Variants in DENND1A observed in about 807,000 individuals in gnomAD.
DENND1A encodes DENN domain-containing protein 1A.
DENND1A carries 51 observed loss-of-function variants against 113.7 expected under a neutral mutation model. That is an observed-to-expected ratio of 0.45 (90% CI 0.36 to 0.57). The LOEUF is 0.57. Among genes scored for constraint, DENND1A ranks in the 20% least tolerant of loss-of-function variants. The pLI is 0.00. For synonymous variants in DENND1A, 565 were observed against 570.8 expected, an observed-to-expected ratio of 0.99 and a Z score of 0.14; for missense variants, 1,258 against 1,395.9, an observed-to-expected ratio of 0.90 and a Z score of 1.57.
At chr9:123,451,110 T>A (rs991421462) in intron 17 of DENND1A, among the ~76,000 whole-genome samples, 14 of 152,292 alleles carry the variant, frequency 9.2e-5, no homozygotes, top group African/African-American at 3.4e-4. Flanking sequence ...GAATATCCAT[T>A]CTATTTCACC....
chr9:123,606,626 G>C (rs1313367204), intron 11 of DENND1A, among the ~76,000 whole-genome samples: 1 of 152,172 alleles, frequency 6.6e-6, no homozygotes, highest in Admixed American at 6.5e-5. Flanking sequence ...TATGGCATTG[G>C]GTTGCCTGAA....
chr9:123,485,617 A>ACCATGTGTGTGTGTGCGC (rs2050738219), intron 13 of DENND1A: 1 of 148,372 alleles, frequency 6.7e-6, no homozygotes, highest in Non-Finnish European at 1.5e-5. Flanking sequence ...ACCAGGGGAC[A>ACCATGTGTGTGTGTGCGC]CCGTGTGTGT....
At chr9:123,687,780 C>T (rs1308541250) in intron 5 of DENND1A, among the ~76,000 whole-genome samples, 1 of 152,226 alleles carries the variant, frequency 6.6e-6, no homozygotes. Context: ...CTTCTTGCTT[C>T]ACTCTGCCAT....
chr9:123,513,634 T>G (rs1007051375), intron 13 of DENND1A, among the ~76,000 whole-genome samples: 3 of 152,206 alleles, frequency 2.0e-5, no homozygotes, highest in Non-Finnish European at 2.9e-5. Context: ...AAAGAGGGAT[T>G]GGAAGAACTG....
intron 13 of DENND1A, among the ~76,000 whole-genome samples, chr9:123,476,649 G>A (rs552941086): frequency 9.9e-5 from 15 of 152,212 alleles, no homozygotes; most frequent in Middle Eastern, 3.2e-3. Context: ...TGGGAACGAG[G>A]TGTGGGAGGC....
chr9:123,877,283 G>A (rs553277761), intron 2 of DENND1A, among the ~76,000 whole-genome samples: 1 of 152,036 alleles, frequency 6.6e-6, no homozygotes, highest in Non-Finnish European at 1.5e-5. Flanking sequence ...GAGGTCAAGA[G>A]TTCGAGACAG....
At chr9:123,817,501 C>T (rs1318977083) in intron 2 of DENND1A, among the ~76,000 whole-genome samples, 1 of 152,014 alleles carries the variant, frequency 6.6e-6, no homozygotes, top group African/African-American at 2.4e-5. Flanking sequence ...TGAGTATTGC[C>T]CTCACAAGAT....
At chr9:123,634,138 T>A (rs543183537) in intron 9 of DENND1A, among the ~76,000 whole-genome samples, 1 of 152,356 alleles carries the variant, frequency 6.6e-6, no homozygotes, top group East Asian at 1.9e-4. Flanking sequence ...CATCTTCAGA[T>A]AATGTTCTTT....
chr9:123,472,713 T>C (rs1002492885), intron 13 of DENND1A, among the ~76,000 whole-genome samples: 1 of 152,066 alleles, frequency 6.6e-6, no homozygotes, highest in African/African-American at 2.4e-5. Flanking sequence ...AAGCAGAGTA[T>C]GGAGTTGGGG....
intron 15 of DENND1A, among the ~76,000 whole-genome samples, chr9:123,456,684 C>T (rs1269167291): frequency 1.3e-5 from 2 of 152,144 alleles, no homozygotes; most frequent in South Asian, 2.1e-4. Flanking sequence ...GTGACACGTG[C>T]CTGTAATCCC....
chr9:123,488,593 T>G (rs2051088111), intron 13 of DENND1A, among the ~76,000 whole-genome samples: 1 of 152,232 alleles, frequency 6.6e-6, no homozygotes, highest in African/African-American at 2.4e-5. Context: ...GTTTTAGTTC[T>G]GTAAGAGACC....
chr9:123,911,519 G>A (rs185473428), intron 1 of DENND1A, among the ~76,000 whole-genome samples: 122 of 152,162 alleles, frequency 8.0e-4, no homozygotes, highest in East Asian at 6.0e-3. Context: ...ATCGTACTAC[G>A]CAGCAATGAA....
At chr9:123,872,205 G>C (rs953222447) in intron 2 of DENND1A, among the ~76,000 whole-genome samples, 1 of 152,020 alleles carries the variant, frequency 6.6e-6, no homozygotes, top group Non-Finnish European at 1.5e-5. Flanking sequence ...TAAGAACAAA[G>C]TAGATCAAAG....
At chr9:123,915,703 A>G (rs1854967283) in intron 1 of DENND1A, among the ~76,000 whole-genome samples, 1 of 152,176 alleles carries the variant, frequency 6.6e-6, no homozygotes, top group African/African-American at 2.4e-5. Flanking sequence ...TTATGAGTTA[A>G]CAACCAGAAA....
chr9:123,545,552 C>T (rs113891944), intron 13 of DENND1A, among the ~76,000 whole-genome samples: 25,655 of 151,736 alleles, frequency 0.17, 2,325 homozygotes, highest in Admixed American at 0.21. Flanking sequence ...CTGCAAGCTC[C>T]GCCTCCCGGG....
chr9:123,741,689 C>T (rs2069039784), intron 5 of DENND1A, among the ~76,000 whole-genome samples: 1 of 152,194 alleles, frequency 6.6e-6, no homozygotes, highest in Admixed American at 6.5e-5. Flanking sequence ...GTTATCCCTT[C>T]ACCTTGATAT....
chr9:123,716,067 A>G (rs1259897790), intron 5 of DENND1A, among the ~76,000 whole-genome samples: 1 of 152,210 alleles, frequency 6.6e-6, no homozygotes, highest in African/African-American at 2.4e-5. Context: ...CTTTTAGGAT[A>G]CATGTGATCT....
intron 13 of DENND1A, among the ~76,000 whole-genome samples, chr9:123,553,379 A>T (rs1360226473): frequency 6.7e-6 from 1 of 148,158 alleles, no homozygotes; most frequent in Non-Finnish European, 1.5e-5. Flanking sequence ...GGGGGCCTGG[A>T]CATTTGCCTT....
At chr9:123,526,092 C>T (rs1251308859) in intron 13 of DENND1A, among the ~76,000 whole-genome samples, 2 of 151,994 alleles carry the variant, frequency 1.3e-5, no homozygotes, top group Admixed American at 6.6e-5. Flanking sequence ...CTCCAGTCTC[C>T]CCATACCACT....
Sources: allele counts gnomAD v4.1 joint callset (sites outside exome capture counted in the v4.1 genomes callset), GRCh38; gene constraint gnomAD v4.1.1; transcripts MANE v1.5; gene names NCBI Gene and HGNC (gene_info 2026-07-23, HGNC 2026-07-21).